Variants in ZNF721 observed in about 807,000 individuals in gnomAD.
The protein encoded by ZNF721 is zinc finger protein 721.
In ZNF721, 2 loss-of-function variants were observed where a neutral mutation model predicts 2.4. The ratio of observed to expected loss-of-function variants is 0.82; its 90% CI spans 0.34 to 2.58. ZNF721 has a LOEUF of 2.58. Ranked by LOEUF, ZNF721 falls within the 30% of genes most tolerant of loss-of-function variation. ZNF721 has a pLI of 0.11. For synonymous variants in ZNF721, 398 were observed against 381.8 expected (o/e 1.04, Z -0.50); for missense variants, 1,187 against 1,085.5 (o/e 1.09, Z -1.31).
Position 499,061 on chromosome 4 carries a change from C to T in ZNF721, c.-99G>A, listed in dbSNP as rs782347013. The T allele has an allele frequency of 3.6e-4, 189 of 527,576 alleles. No homozygotes were observed. Among genetic ancestry groups the T allele is most frequent in the Non-Finnish European group, 5.7e-4 (172 of 300,748 alleles). 32.7% of individuals were successfully genotyped at this position (527,576 alleles called of 1,614,324 possible). On this transcript the variant is annotated 5_prime_UTR_variant, in exon 1 of 3. Transcript: ENST00000511833. ...AACTTTTTAAAACCTCGTACCTCGCCGTGGGCGGCGACCGTCGCGGACTCG... is the reference window on the plus strand; with the variant it reads ...AACTTTTTAAAACCTCGTACCTCGCTGTGGGCGGCGACCGTCGCGGACTCG...
At position 444,326 on chromosome 4, in the gene ZNF721, TA is replaced by T; in HGVS notation, c.140del (p.Leu47TyrfsTer3). 3 of 1,614,178 alleles carry T rather than the reference TA, an allele frequency of 1.9e-6. No individual in the cohort carries two copies. The highest frequency in any genetic ancestry group is 2.5e-6 in the Non-Finnish European group (3 of 1,180,018). On this transcript the variant is annotated frameshift_variant, in exon 3 of 3. Transcript: ENST00000511833. LOFTEE classifies it low-confidence loss of function (END_TRUNC). ...RRYEKCGHDNLQLRKGCKSMN... is the reference protein window; with the variant it reads ...RRYEKCGHDNXQLRKGCKSMN... ...TACTTTTACAGCCTTTCCTTAATTG[TA>T]AATTATCATGCCCACATTTCTCATA... is the stretch of plus-strand genomic sequence containing the variant.
chr4:459,645 C>T (rs1294290944), intron 2 of ZNF721, among the ~76,000 whole-genome samples: 1 of 152,130 alleles, frequency 6.6e-6, no homozygotes, highest in African/African-American at 2.4e-5. Context: ...CCGTGGTTAA[C>T]ATGGTGAAAC....
At position 443,965 on chromosome 4, in the gene ZNF721, C is replaced by G. The variant is rs550304830; in HGVS notation, c.502G>C (p.Glu168Gln). ...CTATTAAAGGCTTTGCCACATTCTT[C>G]ACATTTGTAAGGTTTCTCTCCAGTA... ...IHTGEKPYKC[E>Q]ECGKAFNRST... The change falls in exon 3 of 3, where the codon GAA (glutamate) becomes CAA (glutamine). Residue 168 changes from glutamate to glutamine, a missense_variant. Physicochemically the swap from Glu to Gln is conservative, Grantham distance 29 (BLOSUM62 2). Coordinates refer to ENST00000511833, the MANE Select transcript of ZNF721 (RefSeq NM_133474.4). The G allele has an allele frequency of 6.2e-7, 1 of 1,614,002 alleles. No homozygotes were observed. Among genetic ancestry groups the G allele is most frequent in the African/African-American group, 1.3e-5 (1 of 74,976 alleles).
At chr4:493,530 T>C (rs1716076497) in intron 1 of ZNF721, among the ~76,000 whole-genome samples, 1 of 152,024 alleles carries the variant, frequency 6.6e-6, no homozygotes, top group Non-Finnish European at 1.5e-5. Context: ...AATACAAAAA[T>C]TAGTGGGGCA....
At chr4:466,282 C>G (rs1715248425) in intron 2 of ZNF721, among the ~76,000 whole-genome samples, 1 of 152,184 alleles carries the variant, frequency 6.6e-6, no homozygotes, top group Non-Finnish European at 1.5e-5. Flanking sequence ...AATCCAGTAC[C>G]TTTACTTTCC....
intron 2 of ZNF721, among the ~76,000 whole-genome samples, chr4:450,446 C>T (rs557109065): frequency 1.3e-5 from 2 of 152,192 alleles, no homozygotes; most frequent in East Asian, 1.9e-4. Flanking sequence ...CATGATCTTA[C>T]ACATATGTGA....
chr4:452,646 G>A (rs782793992), intron 2 of ZNF721, among the ~76,000 whole-genome samples: 1 of 152,146 alleles, frequency 6.6e-6, no homozygotes, highest in East Asian at 1.9e-4. Context: ...ATGCTAATTG[G>A]AGTCTTAGGC....
At chr4:461,976 T>C (rs1254761282) in intron 2 of ZNF721, among the ~76,000 whole-genome samples, 1 of 152,212 alleles carries the variant, frequency 6.6e-6, no homozygotes, top group African/African-American at 2.4e-5. Context: ...TTGTCTCTGT[T>C]TGCAGATGAC....
In ZNF721 at chr4:442,307, A is replaced by G; in HGVS notation, c.2160T>C (p.Thr720=). 5.0e-6 allele frequency: 8 copies of G among 1,613,460 alleles called. No homozygotes were observed. The highest frequency in any genetic ancestry group is 1.7e-4 in the Middle Eastern group (1 of 6,060). The change falls in exon 3 of 3, where the codon ACT becomes ACC. Residue 720 remains threonine, a synonymous_variant. Coordinates refer to ENST00000511833, the MANE Select transcript of ZNF721 (RefSeq NM_133474.4). ...CTTCACATTTGTAGGGTTTCTCCCT[A>G]GTGTGAACTCTCCTATGTGTAGTAA... ...RNLTTHRRVH[T]REKPYKCEDR... is the part of the protein sequence containing the mutation.
At position 471,611 on chromosome 4, in the gene ZNF721, ATAAGGAGAAACC is replaced by A. The variant is rs542059562; in HGVS notation, c.34+952_34+963del. Among the ~76,000 whole-genome samples, 836 of 152,288 alleles carry A rather than the reference ATAAGGAGAAACC, an allele frequency of 5.5e-3. 10 individuals are homozygous for A. The highest frequency in any genetic ancestry group is 8.9e-3 in the Non-Finnish European group (603 of 68,004). ...TTTAGTTATAAGTTGAATAAGTTGAATAAGGAGAAACCTAAGGAGAAACCTAATGCTAATGTA... is the reference window on the plus strand; with the variant it reads ...TTTAGTTATAAGTTGAATAAGTTGAATAAGGAGAAACCTAATGCTAATGTA... On this transcript the variant is annotated intron_variant, in intron 2 of 2. Transcript: ENST00000511833.
chr4:496,428 G>A (rs528863883), intron 1 of ZNF721, among the ~76,000 whole-genome samples: 8 of 152,150 alleles, frequency 5.3e-5, no homozygotes, highest in Middle Eastern at 6.8e-3. Context: ...TTCTGGGGGG[G>A]AAACCTATTT....
intron 1 of ZNF721, among the ~76,000 whole-genome samples, chr4:484,547 C>T (rs1332624121): frequency 5.9e-5 from 9 of 152,196 alleles, no homozygotes; most frequent in East Asian, 1.9e-4. Context: ...GGAGAATACA[C>T]GCCTGGAGGT....
intron 2 of ZNF721, among the ~76,000 whole-genome samples, chr4:469,100 TG>T (rs1311656946): frequency 2.6e-5 from 4 of 152,204 alleles, no homozygotes; most frequent in Admixed American, 6.5e-5. Context: ...ACTTGCAGGT[TG>T]TTTTTTTGTG....
intron 1 of ZNF721, among the ~76,000 whole-genome samples, chr4:491,124 G>T (rs550994140): frequency 6.6e-6 from 1 of 152,062 alleles, no homozygotes; most frequent in Admixed American, 6.6e-5. Context: ...GCTTTTGGGG[G>T]CTTTACAAAA....
intron 1 of ZNF721, among the ~76,000 whole-genome samples, chr4:481,556 C>T (rs1715768931): frequency 6.6e-6 from 1 of 151,068 alleles, no homozygotes; most frequent in Non-Finnish European, 1.5e-5. Flanking sequence ...TCAGAAGACA[C>T]ATCTTTGTTC....
chr4:443,561 C>G lies in ZNF721; in HGVS notation c.906G>C (p.Glu302Asp), dbSNP rs563462834. Reference protein sequence around the residue: ...LTKHRRIHTGEKPYTCEVCGK... With the variant: ...LTKHRRIHTGDKPYTCEVCGK... Reference sequence around the variant, plus strand: ...CACATACTTCACATGTGTAGGGTTTCTCTCCAGTATGAATTCTCCTATGTT... The same window carrying G: ...CACATACTTCACATGTGTAGGGTTTGTCTCCAGTATGAATTCTCCTATGTT... Residue 302 changes from glutamate (E) to aspartate (D), a missense_variant, in exon 3 of 3, where the codon GAG becomes GAC. Coordinates refer to ENST00000511833, the MANE Select transcript of ZNF721 (RefSeq NM_133474.4). 3 of 1,613,986 alleles carry G rather than the reference C, an allele frequency of 1.9e-6. No individual in the cohort carries two copies. The East Asian group carries it at 6.7e-5, about 36-fold the overall frequency.
intron 1 of ZNF721, among the ~76,000 whole-genome samples, chr4:493,604 A>T (rs1261079205): frequency 4.6e-5 from 7 of 151,488 alleles, no homozygotes; most frequent in African/African-American, 1.5e-4. Flanking sequence ...TCTTAAACTC[A>T]GGAGGTGGAG....
intron 2 of ZNF721, 113 bp from the exon 3 acceptor site, chr4:444,545 CAA>C: frequency 1.9e-6 from 2 of 1,065,214 alleles, no homozygotes; most frequent in Non-Finnish European, 2.6e-6. Context: ...CAAAATACCA[CAA>C]GTCATAACTT....
At position 456,249 on chromosome 4, in the gene ZNF721, T is replaced by C. The variant is rs145093097; in HGVS notation, c.35-11817A>G. 3.4e-3 allele frequency among the ~76,000 whole-genome samples: 510 copies of C among 152,142 alleles called. 4 individuals are homozygous for C. The highest frequency in any genetic ancestry group is 0.012 in the African/African-American group (496 of 41,528). On this transcript the variant is annotated intron_variant, in intron 2 of 2. Transcript: ENST00000511833. Reference sequence around the variant, plus strand: ...CCACACCTGGCTAATTTTCTATTTTTAGTGGAGACAGGGTTTCTCCATGTT... The same window carrying C: ...CCACACCTGGCTAATTTTCTATTTTCAGTGGAGACAGGGTTTCTCCATGTT...
Sources: gnomAD v4.1 joint callset for allele counts (sites outside exome capture counted in the v4.1 genomes callset) on GRCh38, gnomAD v4.1.1 for gene constraint, MANE v1.5 for transcripts, NCBI Gene and HGNC (gene_info 2026-07-23, HGNC 2026-07-21) for gene names.